The following PLSCR4 variants were observed in gnomAD, a reference collection of about 807,000 sequenced individuals.
PLSCR4 encodes the protein Ca(2+)-dependent phospholipid scramblase 4.
A neutral mutation model predicts 36.3 loss-of-function variants in PLSCR4; 25 were observed. The ratio of observed to expected loss-of-function variants is 0.69; its 90% CI spans 0.50 to 0.96. The LOEUF is 0.96. Ranked by LOEUF, PLSCR4 falls within the 40% of genes least tolerant of loss-of-function variation. The pLI is 0.00. For missense variants in PLSCR4, 408 were observed against 414.7 expected (o/e 0.98, Z 0.14); for synonymous variants, 122 against 132.9 (o/e 0.92, Z 0.56).
intron 6 of PLSCR4, among the ~76,000 whole-genome samples, chr3:146,197,367 C>T (rs1049122579): frequency 6.6e-6 from 1 of 152,272 alleles, no homozygotes; most frequent in East Asian, 1.9e-4. Flanking sequence ...AACCTACACA[C>T]TTATGCTGCT....
chr3:146,248,493 C>A (rs564594399), intron 1 of PLSCR4, among the ~76,000 whole-genome samples: 1 of 151,854 alleles, frequency 6.6e-6, no homozygotes, highest in East Asian at 1.9e-4. Context: ...CACACAGACA[C>A]ACACACACAC....
chr3:146,195,087 C>CAACT (rs2033645940), intron 8 of PLSCR4, 37 bp downstream of exon 8: 6 of 1,593,964 alleles, frequency 3.8e-6, no homozygotes, highest in Non-Finnish European at 5.2e-6. Context: ...TCAGAAAGAA[C>CAACT]AACTCTCTCA....
At chr3:146,248,440 A>G (rs558921884) in intron 1 of PLSCR4, among the ~76,000 whole-genome samples, 242 of 152,230 alleles carry the variant, frequency 1.6e-3, no homozygotes, top group African/African-American at 5.5e-3. Context: ...AATTCAGCCT[A>G]TATTCCAAAT....
At chr3:146,226,219 T>C (rs1208929833) in intron 1 of PLSCR4, among the ~76,000 whole-genome samples, 1 of 152,212 alleles carries the variant, frequency 6.6e-6, no homozygotes, top group African/African-American at 2.4e-5. Context: ...ACAAGGCTAA[T>C]GTCTTGTCAT....
At chr3:146,249,581 T>C (rs2036470502) in intron 1 of PLSCR4, among the ~76,000 whole-genome samples, 1 of 151,162 alleles carries the variant, frequency 6.6e-6, no homozygotes, top group Non-Finnish European at 1.5e-5. Flanking sequence ...CCACTATATA[T>C]ATGTGTGTAT....
In PLSCR4 at chr3:146,195,398, T is replaced by C. The variant is rs72991417; in HGVS notation, c.787-116A>G. On this transcript the variant is annotated intron_variant, in intron 7 of 8. Coordinates refer to ENST00000354952, the MANE Select transcript of PLSCR4 (RefSeq NM_020353.3). Reference sequence around the variant, plus strand: ...TGCAGAAAAAGACTATGTAATTATATAATTTGAAATGAGAAAATAATGGCC... The same window carrying C: ...TGCAGAAAAAGACTATGTAATTATACAATTTGAAATGAGAAAATAATGGCC... 2.3e-3 allele frequency: 1,900 copies of C among 838,060 alleles called. 24 individuals are homozygous for C. In the African/African-American group the frequency reaches 0.027, roughly 12 times the overall value. 51.9% of individuals were successfully genotyped at this position (838,060 alleles called of 1,614,324 possible).
At chr3:146,250,110 C>A (rs1258408466) in intron 1 of PLSCR4, among the ~76,000 whole-genome samples, 1 of 152,148 alleles carries the variant, frequency 6.6e-6, no homozygotes, top group Non-Finnish European at 1.5e-5. Context: ...GAATTCACAA[C>A]CATGTCACAG....
At chr3:146,198,024 A>G (rs1443380812) in intron 6 of PLSCR4, among the ~76,000 whole-genome samples, 1 of 152,158 alleles carries the variant, frequency 6.6e-6, no homozygotes, top group East Asian at 1.9e-4. Context: ...AACTAGTGGT[A>G]ACAGCTTGTA....
chr3:146,233,250 G>A (rs769042625), intron 1 of PLSCR4, among the ~76,000 whole-genome samples: 29 of 151,950 alleles, frequency 1.9e-4, no homozygotes, highest in Non-Finnish European at 2.9e-4. Context: ...ACCCTGCTAT[G>A]TAGAAATAAC....
chr3:146,200,049 A>C lies in PLSCR4; in HGVS notation c.398-10T>G, dbSNP rs755374171. 1 of 1,439,268 alleles carries C rather than the reference A, an allele frequency of 6.9e-7. No homozygotes were observed. The highest frequency in any genetic ancestry group is 9.8e-7 in the Non-Finnish European group (1 of 1,024,786). 89.2% of individuals were successfully genotyped at this position (1,439,268 alleles called of 1,614,324 possible). On this transcript the variant is annotated splice_polypyrimidine_tract_variant and intron_variant, in intron 5 of 8. Coordinates refer to ENST00000354952, the MANE Select transcript of PLSCR4 (RefSeq NM_020353.3). ...TCAAAACATGTCATCACTAAAAAAT[A>C]AAATGAGTAAGTCTATATTAGAAAC... is the stretch of plus-strand genomic sequence containing the variant.
intron 1 of PLSCR4, among the ~76,000 whole-genome samples, chr3:146,226,907 A>G (rs1333977445): frequency 6.6e-6 from 1 of 152,242 alleles, no homozygotes; most frequent in Non-Finnish European, 1.5e-5. Flanking sequence ...CAAGTTTCAG[A>G]TACTCGAAGT....
intron 1 of PLSCR4, among the ~76,000 whole-genome samples, chr3:146,235,801 G>A (rs1202298003): frequency 1.3e-5 from 2 of 152,164 alleles, no homozygotes; most frequent in African/African-American, 4.8e-5. Context: ...AGAGGGAAAT[G>A]ACAGACTTCT....
chr3:146,230,389 G>A (rs1209988998), intron 1 of PLSCR4, among the ~76,000 whole-genome samples: 4 of 152,086 alleles, frequency 2.6e-5, no homozygotes, highest in Admixed American at 2.0e-4. Flanking sequence ...ATGTGTGTCT[G>A]TGCAGGTTTG....
chr3:146,197,546 A>G (rs948569868), intron 6 of PLSCR4, among the ~76,000 whole-genome samples: 1 of 152,164 alleles, frequency 6.6e-6, no homozygotes, highest in African/African-American at 2.4e-5. Flanking sequence ...AAAATTATAT[A>G]TTGTGAAAAC....
intron 1 of PLSCR4, among the ~76,000 whole-genome samples, chr3:146,224,672 G>T (rs971072690): frequency 2.6e-5 from 4 of 152,024 alleles, no homozygotes; most frequent in African/African-American, 9.7e-5. Context: ...CCACAGTGTG[G>T]AAGGGGACCC....
intron 1 of PLSCR4, among the ~76,000 whole-genome samples, chr3:146,248,554 G>A (rs1235884179): frequency 6.6e-6 from 1 of 151,814 alleles, no homozygotes; most frequent in African/African-American, 2.4e-5. Context: ...TTTATGTTTT[G>A]GACATATTTC....
intron 1 of PLSCR4, 72 bp from the exon 2 acceptor site, chr3:146,222,164 G>T: frequency 2.0e-6 from 1 of 510,146 alleles, no homozygotes; most frequent in East Asian, 3.7e-5. Context: ...AGTAACACAG[G>T]TAAGGATTTC....
chr3:146,204,913 G>A (rs2034241183), intron 4 of PLSCR4, among the ~76,000 whole-genome samples: 1 of 151,904 alleles, frequency 6.6e-6, no homozygotes, highest in African/African-American at 2.4e-5. Context: ...TCAAAATTTT[G>A]TCCAAATAAT....
At chr3:146,225,797 T>C (rs2035447670) in intron 1 of PLSCR4, among the ~76,000 whole-genome samples, 2 of 152,104 alleles carry the variant, frequency 1.3e-5, no homozygotes, top group Non-Finnish European at 2.9e-5. Flanking sequence ...CGGTTGCCGC[T>C]GGCGCCTCTC....
Sources: allele counts gnomAD v4.1 joint callset (sites outside exome capture counted in the v4.1 genomes callset), GRCh38; gene constraint gnomAD v4.1.1; transcripts MANE v1.5; gene names NCBI Gene and HGNC (gene_info 2026-07-23, HGNC 2026-07-21).